Variants in SMYD3 observed in about 807,000 individuals in gnomAD.
SMYD3 encodes the protein SET and MYND domain containing 3.
SMYD3 carries 36 observed loss-of-function variants against 57.7 expected under a neutral mutation model. The ratio of observed to expected loss-of-function variants is 0.62; its 90% confidence interval spans 0.48 to 0.82. The LOEUF (loss-of-function observed/expected upper bound fraction) is 0.82, where lower values mean the gene tolerates loss of function less well. Ranked by LOEUF, SMYD3 falls within the 40% of genes least tolerant of loss-of-function variation. The pLI, the probability that SMYD3 is intolerant of heterozygous loss-of-function variation, is 0.00. For missense variants in SMYD3, 515 were observed against 538.8 expected, an observed-to-expected ratio of 0.96 and a Z score of 0.44; for synonymous variants, 211 against 195.0, an observed-to-expected ratio of 1.08 and a Z score of -0.68.
At chr1:246,030,009 T>TC (rs1184226439) in intron 5 of SMYD3, among the ~76,000 whole-genome samples, 45 of 126,096 alleles carry the variant, frequency 3.6e-4, no homozygotes, top group Non-Finnish European at 5.3e-4. Context: ...TTTCTTTCTT[T>TC]TTTTTTTTTT....
At chr1:245,973,435 G>A (rs1387166677) in intron 5 of SMYD3, among the ~76,000 whole-genome samples, 5 of 152,136 alleles carry the variant, frequency 3.3e-5, no homozygotes, top group Non-Finnish European at 4.4e-5. Flanking sequence ...CGAGGTACCA[G>A]GTATTTGCTA....
At chr1:246,070,618 C>T (rs1289483342) in intron 5 of SMYD3, among the ~76,000 whole-genome samples, 3 of 152,102 alleles carry the variant, frequency 2.0e-5, no homozygotes, top group Non-Finnish European at 4.4e-5. Context: ...GAAGCACCGA[C>T]CTGAGGATCT....
rs147289454 is a variant in SMYD3 at position 245,906,987 on chromosome 1, T to C, written c.813+8543A>G. ...TTATTACTAAAAAATCACATGTTCT[T>C]ACTTATTTGTGGTATCCAAAAATCA... On this transcript the variant is annotated intron_variant, in intron 8 of 11. Coordinates refer to ENST00000490107, the MANE Select transcript of SMYD3 (RefSeq NM_001167740.2). Among the ~76,000 whole-genome samples, 606 of 152,312 alleles carry C rather than the reference T, an allele frequency of 4.0e-3. 4 individuals carry two copies. Among genetic ancestry groups the C allele is most frequent in the Non-Finnish European group, 6.1e-3 (412 of 68,018 alleles).
intron 5 of SMYD3, among the ~76,000 whole-genome samples, chr1:246,226,978 GTTAT>G (rs1299105285): frequency 1.3e-5 from 2 of 152,110 alleles, no homozygotes; most frequent in East Asian, 3.9e-4. Context: ...ATTAGATGAG[GTTAT>G]TTATTCTCCC....
At chr1:245,822,438 C>T (rs2049218101) in intron 10 of SMYD3, among the ~76,000 whole-genome samples, 1 of 150,566 alleles carries the variant, frequency 6.6e-6, no homozygotes, top group African/African-American at 2.5e-5. Flanking sequence ...GGGAGATATA[C>T]CTAATGCTAG....
At chr1:245,935,391 A>T (rs2056941193) in intron 5 of SMYD3, among the ~76,000 whole-genome samples, 1 of 152,244 alleles carries the variant, frequency 6.6e-6, no homozygotes, top group Non-Finnish European at 1.5e-5. Flanking sequence ...TTCATCAAAA[A>T]GATGAAAGAT....
At chr1:246,271,958 C>T (rs1470645049) in intron 5 of SMYD3, among the ~76,000 whole-genome samples, 1 of 152,084 alleles carries the variant, frequency 6.6e-6, no homozygotes, top group Non-Finnish European at 1.5e-5. Flanking sequence ...ATTTATGTTG[C>T]CTTTAATTTC....
At chr1:246,094,082 G>C (rs2060871095) in intron 5 of SMYD3, among the ~76,000 whole-genome samples, 2 of 152,128 alleles carry the variant, frequency 1.3e-5, no homozygotes, top group Admixed American at 6.5e-5. Context: ...TAGGAACACA[G>C]CTGTATTCTC....
chr1:245,830,917 T>C (rs543627609), intron 10 of SMYD3, among the ~76,000 whole-genome samples: 1 of 152,178 alleles, frequency 6.6e-6, no homozygotes, highest in Non-Finnish European at 1.5e-5. Flanking sequence ...GAGCAAGACA[T>C]AGATTCTTGG....
intron 10 of SMYD3, among the ~76,000 whole-genome samples, chr1:245,777,876 A>T (rs947918951): frequency 1.3e-5 from 2 of 152,212 alleles, no homozygotes; most frequent in South Asian, 4.1e-4. Flanking sequence ...CTACTCTCAG[A>T]ACAAAACAGA....
In SMYD3 at chr1:245,933,482, A is replaced by G. The variant is rs148558691; in HGVS notation, c.532-3545T>C. 6.8e-3 allele frequency among the ~76,000 whole-genome samples: 1,033 copies of G among 152,340 alleles called. 7 individuals carry two copies. Among genetic ancestry groups the G allele is most frequent in the South Asian group, 0.015 (73 of 4,828 alleles). ...TTAAACTAATTGAAAGCCTTCATAT[A>G]TAATATTATAGTTTTTCTAGATGAC... On this transcript the variant is annotated intron_variant, in intron 5 of 11. Coordinates refer to ENST00000490107, the MANE Select transcript of SMYD3 (RefSeq NM_001167740.2).
intron 5 of SMYD3, among the ~76,000 whole-genome samples, chr1:246,131,495 C>T (rs1179665589): frequency 1.3e-5 from 2 of 152,176 alleles, no homozygotes; most frequent in African/African-American, 2.4e-5. Flanking sequence ...GCCTGCTCTA[C>T]CATGATAATA....
intron 5 of SMYD3, among the ~76,000 whole-genome samples, chr1:246,074,763 T>G (rs534939033): frequency 6.6e-6 from 1 of 152,322 alleles, no homozygotes; most frequent in African/African-American, 2.4e-5. Context: ...CCTGAATCTC[T>G]GGGTGACCCC....
rs148635209 is a variant in SMYD3, at chr1:246,461,361, T to C, written c.164+45693A>G. 2.0e-3 allele frequency among the ~76,000 whole-genome samples: 308 copies of C among 152,330 alleles called. 3 individuals carry two copies. Among genetic ancestry groups the C allele is most frequent in the African/African-American group, 7.1e-3 (296 of 41,572 alleles). The stretch of plus-strand genomic sequence containing the variant: ...TCCAGGTATTATGCAGAACACTACA[T>C]ATTTCTGGAAAAGTCATAAAATACT... On this transcript the variant is annotated intron_variant, in intron 1 of 11. Transcript: ENST00000490107.
intron 8 of SMYD3, among the ~76,000 whole-genome samples, chr1:245,870,923 G>A (rs766180588): frequency 5.3e-5 from 8 of 152,096 alleles, no homozygotes; most frequent in Non-Finnish European, 7.3e-5. Flanking sequence ...GTTGAAACTC[G>A]TATGCTGGGC....
chr1:246,070,858 G>C (rs2060430748), intron 5 of SMYD3, among the ~76,000 whole-genome samples: 1 of 152,160 alleles, frequency 6.6e-6, no homozygotes, highest in African/African-American at 2.4e-5. Flanking sequence ...ATGTGTAATT[G>C]GTATGTTTTA....
At chr1:245,920,561 C>T (rs766410666) in intron 7 of SMYD3, among the ~76,000 whole-genome samples, 1 of 152,104 alleles carries the variant, frequency 6.6e-6, no homozygotes, top group Non-Finnish European at 1.5e-5. Flanking sequence ...TCTTCAGGTA[C>T]CCTATCACAA....
intron 2 of SMYD3, among the ~76,000 whole-genome samples, chr1:246,348,077 T>TATATATATGTATAC: frequency 1.2e-5 from 1 of 86,488 alleles, no homozygotes; most frequent in African/African-American, 4.0e-5. Context: ...TATATATATA[T>TATATATATGTATAC]ACACACACAC....
At chr1:246,326,416 T>G (rs1340838079) in intron 5 of SMYD3, 1 of 670,656 alleles carries the variant, frequency 1.5e-6, no homozygotes, top group Admixed American at 2.4e-5. Context: ...AAAAAAAAAA[T>G]CAATCATCGC....
Sources: gnomAD v4.1 joint callset for allele counts (sites outside exome capture counted in the v4.1 genomes callset) on GRCh38, gnomAD v4.1.1 for gene constraint, MANE v1.5 for transcripts, NCBI Gene and HGNC (gene_info 2026-07-23, HGNC 2026-07-21) for gene names.